MPP2: variants seen among roughly 807,000 people sequenced by gnomAD.
MPP2 encodes the protein MAGUK p55 scaffold protein 2, also known as MAGUK p55 subfamily member 2.
MPP2 carries 42 observed loss-of-function variants against 58.5 expected under a neutral mutation model. The ratio of observed to expected loss-of-function variants is 0.72; its 90% confidence interval spans 0.56 to 0.93. The LOEUF (loss-of-function observed/expected upper bound fraction) is 0.93, where lower values mean the gene tolerates loss of function less well. Ranked by LOEUF, MPP2 falls within the 40% of genes least tolerant of loss-of-function variation. The probability of loss-of-function intolerance (pLI) is 0.00; values close to 1 mark genes in which losing one functional copy is unlikely to be tolerated. For synonymous variants in MPP2, 300 were observed against 307.8 expected, an observed-to-expected ratio of 0.97 and a Z score of 0.26; for missense variants, 632 against 760.4, an observed-to-expected ratio of 0.83 and a Z score of 1.99.
chr17:43,899,158 A>C (rs1040115134), intron 2 of MPP2, among the ~76,000 whole-genome samples: 9 of 152,134 alleles, frequency 5.9e-5, no homozygotes, highest in Non-Finnish European at 1.3e-4. Context: ...GAGGCAGGAA[A>C]ATCGCTTGAA....
At position 43,879,224 on chromosome 17, in the gene MPP2, C is replaced by G. The variant is rs1239876904; in HGVS notation, c.1482+51G>C. 6.3e-7 allele frequency: 1 copy of G among 1,575,412 alleles called. No homozygotes were observed. The highest frequency in any genetic ancestry group is 8.7e-7 in the Non-Finnish European group (1 of 1,155,440). ...TCTCTGTCAGCTCAGGCCTGTCCCC[C>G]ACCACCCTAGGCAGCTATCAGACCC... is the stretch of plus-strand genomic sequence containing the variant. On this transcript the variant is annotated intron_variant, in intron 12 of 12. Transcript: ENST00000269095. This position sits in a 1 kb window ranked among gnomAD's most constrained non-coding sequence, Gnocchi z 4.1.
chr17:43,908,669 A>T (rs1211467513), upstream of MPP2, among the ~76,000 whole-genome samples: 1 of 152,220 alleles, frequency 6.6e-6, no homozygotes, highest in Non-Finnish European at 1.5e-5. Flanking sequence ...AGATTGCAAC[A>T]CCGCACTCCA....
chr17:43,904,560 G>C, intron 1 of MPP2, 67 bp from the exon 2 acceptor site: 1 of 1,428,864 alleles, frequency 7.0e-7, no homozygotes, highest in Non-Finnish European at 9.8e-7. Context: ...AATAGGAAGA[G>C]CCTCCCCTTC....
At chr17:43,881,220 T>G (rs1597756968) in intron 8 of MPP2, 24 bp downstream of exon 8, 1 of 1,612,056 alleles carries the variant, frequency 6.2e-7, no homozygotes, top group Non-Finnish European at 8.5e-7. Flanking sequence ...AGATTGGAGG[T>G]GTGGGGTAGG....
At chr17:43,907,031 G>A (rs988364602) in intron 1 of MPP2, 8 of 283,108 alleles carry the variant, frequency 2.8e-5, no homozygotes, top group Admixed American at 6.5e-5. Context: ...GGAAGATTGT[G>A]GTGTTAGCTG....
chr17:43,883,299 C>A lies in MPP2; in HGVS notation c.207G>T (p.Glu69Asp). Reference sequence around the variant, plus strand: ...GGTCCCGCAGGATCTCCTGCACCAGCTCCAGGTTGTTGTCTCTCACGGCCT... The same window carrying A: ...GGTCCCGCAGGATCTCCTGCACCAGATCCAGGTTGTTGTCTCTCACGGCCT... Reference protein sequence around the residue: ...KLEAVRDNNLELVQEILRDLA... With the variant: ...KLEAVRDNNLDLVQEILRDLA... Residue 69 changes from glutamate to aspartate, a missense_variant, in exon 4 of 13, where the codon GAG (glutamate) becomes GAT (aspartate). Physicochemically the swap from Glu to Asp is conservative, Grantham distance 45. Coordinates refer to ENST00000269095, the MANE Select transcript of MPP2 (RefSeq NM_005374.5). The A allele has an allele frequency of 6.2e-7, 1 of 1,613,244 alleles. No homozygotes were observed. Among genetic ancestry groups the A allele is most frequent in the Middle Eastern group, 1.6e-4 (1 of 6,062 alleles).
At chr17:43,902,857 A>C (rs981731850) in intron 2 of MPP2, among the ~76,000 whole-genome samples, 9 of 152,304 alleles carry the variant, frequency 5.9e-5, no homozygotes, top group African/African-American at 2.2e-4. Flanking sequence ...CAGGGAACTT[A>C]ACCTTCTGGG....
At chr17:43,902,229 T>C (rs1368162582) in intron 2 of MPP2, among the ~76,000 whole-genome samples, 6 of 152,064 alleles carry the variant, frequency 3.9e-5, no homozygotes, top group African/African-American at 1.2e-4. Context: ...CCAGGAGTCC[T>C]TTGAGGAAGC....
In MPP2 at chr17:43,880,075, TC is replaced by T; in HGVS notation, c.1151-92del. The stretch of plus-strand genomic sequence containing the variant: ...ATGCACCCCTACCCAGGCCCCCGTT[TC>T]CCAGCCTTGGAGGTGCAGTCTGCTC... On this transcript the variant is annotated intron_variant, in intron 10 of 12. Transcript: ENST00000269095. The surrounding 1 kb of genome is among the most constrained non-coding windows in gnomAD (Gnocchi z 5.2). 1 of 1,301,054 alleles carries T rather than the reference TC, an allele frequency of 7.7e-7. No homozygotes were observed. The highest frequency in any genetic ancestry group is 1.1e-6 in the Non-Finnish European group (1 of 926,162). The allele number at this position is 1,301,054 out of a possible 1,614,324, so 80.6% of individuals were successfully genotyped here.
Position 43,894,415 on chromosome 17 carries a change from CAA to C in MPP2, c.150+3845_150+3846del, listed in dbSNP as rs1309079744. Among the ~76,000 whole-genome samples the C allele has an allele frequency of 5.9e-3, 438 of 74,866 alleles. 5 individuals carry two copies. Among genetic ancestry groups the C allele is most frequent in the African/African-American group, 0.019 (418 of 22,070 alleles). 49.1% of individuals were successfully genotyped at this position (74,866 alleles called of 152,430 possible). ...CCAGTGACAGAGTGAGATTCCATCTCAAAATATATATATATATATATATATAT... is the reference window on the plus strand; with the variant it reads ...CCAGTGACAGAGTGAGATTCCATCTCAATATATATATATATATATATATAT... On this transcript the variant is annotated intron_variant, in intron 3 of 12. Coordinates refer to ENST00000269095, the MANE Select transcript of MPP2 (RefSeq NM_005374.5).
intron 3 of MPP2, among the ~76,000 whole-genome samples, chr17:43,886,989 G>A (rs1207115404): frequency 1.3e-5 from 2 of 150,352 alleles, no homozygotes; most frequent in East Asian, 1.9e-4. Flanking sequence ...GATATTTCTT[G>A]TAAATGATTT....
chr17:43,881,341 A>G lies in MPP2; in HGVS notation c.822T>C (p.His274=), dbSNP rs1189160212. 5 of 1,613,940 alleles carry G rather than the reference A, an allele frequency of 3.1e-6. No individual in the cohort carries two copies. The African/African-American group carries it at 6.7e-5, about 22-fold the overall frequency. Residue 274 remains histidine, a synonymous_variant, in exon 8 of 13, where the codon CAT becomes CAC. Coordinates refer to ENST00000269095, the MANE Select transcript of MPP2 (RefSeq NM_005374.5). The part of the protein sequence containing the change: ...QDDANWWQAC[H]VEGGSAGLIP... The stretch of plus-strand genomic sequence containing the variant: ...TGAGCCCAGCACTGCCCCCTTCGAC[A>G]TGGCATGCCTAAAACGGACATGAGA...
intron 2 of MPP2, 93 bp downstream of exon 2, chr17:43,904,337 C>G: frequency 8.1e-7 from 1 of 1,234,602 alleles, no homozygotes; most frequent in Non-Finnish European, 1.2e-6. Context: ...CCAGTTGGTT[C>G]TTATCTGGAG....
chr17:43,901,229 T>C, intron 2 of MPP2: 1 of 983,054 alleles, frequency 1.0e-6, no homozygotes, highest in Non-Finnish European at 1.2e-6. Flanking sequence ...GGAGGCAGGG[T>C]ACGTGGGGGA....
At chr17:43,878,230 C>T (rs2046934372) in intron 12 of MPP2, among the ~76,000 whole-genome samples, 2 of 152,178 alleles carry the variant, frequency 1.3e-5, no homozygotes, top group African/African-American at 4.8e-5. Context: ...CTTTGCATGC[C>T]ACATAATCTT....
chr17:43,904,317 A>C, intron 2 of MPP2, 113 bp downstream of exon 2: 2 of 917,406 alleles, frequency 2.2e-6, no homozygotes, highest in Non-Finnish European at 3.5e-6. Context: ...TAGGGTGGAC[A>C]GCAGTGGAGC....
chr17:43,904,599 GT>G (rs1232618961), intron 1 of MPP2, 106 bp from the exon 2 acceptor site: 1 of 897,722 alleles, frequency 1.1e-6, no homozygotes, highest in Non-Finnish European at 1.7e-6. Context: ...AGGGGAGAAG[GT>G]GCTGCCCAGA....
intron 2 of MPP2, among the ~76,000 whole-genome samples, chr17:43,899,940 G>GCCT (rs2048017429): frequency 6.6e-6 from 1 of 152,202 alleles, no homozygotes; most frequent in Non-Finnish European, 1.5e-5. Flanking sequence ...TGCCGCCCAT[G>GCCT]CCTACATCTG....
chr17:43,889,882 G>A lies in MPP2; in HGVS notation c.151-6527C>T, dbSNP rs187478096. On this transcript the variant is annotated intron_variant, in intron 3 of 12. Transcript: ENST00000269095. The stretch of plus-strand genomic sequence containing the variant: ...GGCTGGAGTGCAGTGGCGCAATCTC[G>A]GCTCACTGCAACCTCCGTCTCCCGG... 6.6e-3 allele frequency among the ~76,000 whole-genome samples: 936 copies of A among 141,092 alleles called. 8 individuals are homozygous for A. Among genetic ancestry groups the A allele is most frequent in the Non-Finnish European group, 9.9e-3 (660 of 66,720 alleles). The allele number at this position is 141,092 out of a possible 152,430, so 92.6% of individuals were successfully genotyped here.
Sources: allele counts gnomAD v4.1 joint callset (sites outside exome capture counted in the v4.1 genomes callset), GRCh38; gene constraint gnomAD v4.1.1; non-coding constraint Gnocchi (gnomAD v3.1); transcripts MANE v1.5; gene names NCBI Gene and HGNC (gene_info 2026-07-23, HGNC 2026-07-21).